The following MAST4 variants were observed in gnomAD, a reference collection of about 807,000 sequenced individuals.
MAST4 encodes microtubule associated serine/threonine kinase family member 4, also known as microtubule-associated serine/threonine-protein kinase 4.
MAST4 carries 89 observed loss-of-function variants against 162.7 expected under a neutral mutation model. That is an observed-to-expected ratio of 0.55 (90% CI 0.46 to 0.65). MAST4 has a LOEUF of 0.65. Ranked by LOEUF, MAST4 falls within the 30% of genes least tolerant of loss-of-function variation. MAST4 has a pLI of 0.00. For missense variants in MAST4, 3,153 were observed against 3,374.0 expected (o/e 0.93, Z 1.62); for synonymous variants, 1,479 against 1,361.1 (o/e 1.09, Z -1.91).
intron 3 of MAST4, among the ~76,000 whole-genome samples, chr5:66,844,028 T>G (rs1758616110): frequency 6.6e-6 from 1 of 152,098 alleles, no homozygotes; most frequent in Non-Finnish European, 1.5e-5. Flanking sequence ...GGAGGGTGTC[T>G]TTCATTATAA....
In MAST4 at chr5:67,080,000, C is replaced by T. The variant is rs113947726; in HGVS notation, c.764-10162C>T. The stretch of plus-strand genomic sequence containing the variant: ...AGTACTTTACTGTCCAGCTTCTTAG[C>T]GCTAGTCTGCCTTAGAGTCGTCACA... On this transcript the variant is annotated intron_variant, in intron 5 of 28. Transcript: ENST00000403625. Among the ~76,000 whole-genome samples, 10 of 152,268 alleles carry T rather than the reference C, an allele frequency of 6.6e-5. 3 individuals carry two copies. The highest frequency in any genetic ancestry group is 2.4e-4 in the African/African-American group (10 of 41,560).
intron 3 of MAST4, among the ~76,000 whole-genome samples, chr5:66,832,533 A>G (rs981494396): frequency 2.6e-5 from 4 of 152,136 alleles, no homozygotes; most frequent in African/African-American, 7.2e-5. Flanking sequence ...CTAGAATTCA[A>G]TTTTAGGAAG....
chr5:67,023,033 T>G (rs1754178800), intron 4 of MAST4, among the ~76,000 whole-genome samples: 1 of 152,212 alleles, frequency 6.6e-6, no homozygotes, highest in Non-Finnish European at 1.5e-5. Context: ...AGATGGCATG[T>G]GAAGTTTGTG....
At chr5:66,841,202 G>A (rs1017405368) in intron 3 of MAST4, among the ~76,000 whole-genome samples, 6 of 152,152 alleles carry the variant, frequency 3.9e-5, no homozygotes, top group Admixed American at 2.0e-4. Context: ...TGTGGCTGCT[G>A]TTACTGTTGT....
In MAST4 at chr5:67,021,676, G is replaced by C. The variant is rs565466721; in HGVS notation, c.675-32728G>C. 1.1e-4 allele frequency among the ~76,000 whole-genome samples: 16 copies of C among 152,302 alleles called. No homozygotes were observed. The South Asian group carries it at 3.3e-3, about 32-fold the overall frequency. ...ATTAGGGACACCCTGGTGTCTGGTA[G>C]AAGACTAAGACTGAGAATAGACTGT... On this transcript the variant is annotated intron_variant, in intron 4 of 28. Coordinates refer to ENST00000403625, the MANE Select transcript of MAST4 (RefSeq NM_001164664.2).
intron 1 of MAST4, among the ~76,000 whole-genome samples, chr5:66,752,754 A>G (rs1459503896): frequency 6.7e-6 from 1 of 148,576 alleles, no homozygotes; most frequent in Non-Finnish European, 1.5e-5. Context: ...AAAGTCAACA[A>G]GGATACCCAG....
At chr5:67,071,523 G>C (rs111633104) in intron 5 of MAST4, among the ~76,000 whole-genome samples, 2,330 of 152,242 alleles carry the variant, frequency 0.015, 63 homozygotes, top group African/African-American at 0.053. Context: ...AAGGCCAAGG[G>C]GGGGGCGGGG....
At chr5:66,635,584 C>T (rs1745057416) in intron 1 of MAST4, among the ~76,000 whole-genome samples, 1 of 152,186 alleles carries the variant, frequency 6.6e-6, no homozygotes, top group African/African-American at 2.4e-5. Context: ...TCAAAACAAA[C>T]TGTGTTTGTT....
At chr5:66,646,662 A>G (rs931963562) in intron 1 of MAST4, among the ~76,000 whole-genome samples, 3 of 152,180 alleles carry the variant, frequency 2.0e-5, no homozygotes, top group Non-Finnish European at 4.4e-5. Context: ...TGTACCCTCT[A>G]CTTCCTACTT....
intron 1 of MAST4, among the ~76,000 whole-genome samples, chr5:66,627,390 TA>T (rs1744507461): frequency 6.6e-6 from 1 of 152,102 alleles, no homozygotes; most frequent in Non-Finnish European, 1.5e-5. Context: ...TATGAAGGTT[TA>T]AAAGGAAAAC....
chr5:66,871,973 G>A (rs1760962278), intron 3 of MAST4, among the ~76,000 whole-genome samples: 1 of 152,102 alleles, frequency 6.6e-6, no homozygotes, highest in Non-Finnish European at 1.5e-5. Context: ...TTAAACATCT[G>A]CCATGTGAGC....
chr5:66,683,790 T>C (rs986000844), intron 1 of MAST4, among the ~76,000 whole-genome samples: 5 of 152,210 alleles, frequency 3.3e-5, no homozygotes, highest in African/African-American at 1.2e-4. Context: ...CTTGCTTTTC[T>C]AGCTCTGAAA....
intron 1 of MAST4, among the ~76,000 whole-genome samples, chr5:66,673,213 A>G (rs986351964): frequency 3.9e-5 from 6 of 152,060 alleles, no homozygotes; most frequent in Admixed American, 1.3e-4. Context: ...TTATACATTT[A>G]AATTATCTGC....
intron 24 of MAST4, among the ~76,000 whole-genome samples, chr5:67,150,688 A>G (rs1307053500): frequency 1.3e-5 from 2 of 152,202 alleles, no homozygotes; most frequent in Non-Finnish European, 2.9e-5. Context: ...GGAGACCATC[A>G]GAAGGTAAAG....
intron 12 of MAST4, among the ~76,000 whole-genome samples, chr5:67,115,226 T>TATATACTAAATG (rs1766747545): frequency 6.6e-6 from 1 of 152,170 alleles, no homozygotes; most frequent in African/African-American, 2.4e-5. Flanking sequence ...TTATAACATT[T>TATATACTAAATG]AGGTTATATA....
At chr5:66,768,825 T>G (rs1754228427) in intron 2 of MAST4, among the ~76,000 whole-genome samples, 1 of 152,226 alleles carries the variant, frequency 6.6e-6, no homozygotes, top group Admixed American at 6.5e-5. Flanking sequence ...TGTAACTGCA[T>G]GTATATCTAT....
At chr5:67,058,151 C>G (rs977810769) in intron 5 of MAST4, among the ~76,000 whole-genome samples, 4 of 151,998 alleles carry the variant, frequency 2.6e-5, no homozygotes, top group Non-Finnish European at 5.9e-5. Context: ...GAGAGGATCG[C>G]CTGAGCTGGG....
At chr5:66,798,014 A>C (rs1028188316) in intron 3 of MAST4, among the ~76,000 whole-genome samples, 1 of 152,212 alleles carries the variant, frequency 6.6e-6, no homozygotes, top group African/African-American at 2.4e-5. Flanking sequence ...ATGCCATATA[A>C]GGTGGATGGT....
At chr5:66,863,367 A>C (rs1363922949) in intron 3 of MAST4, among the ~76,000 whole-genome samples, 1 of 152,174 alleles carries the variant, frequency 6.6e-6, no homozygotes, top group Non-Finnish European at 1.5e-5. Context: ...CTCTTTAAAA[A>C]ACTGGGACTG....
Sources: allele counts gnomAD v4.1 joint callset (sites outside exome capture counted in the v4.1 genomes callset), GRCh38; gene constraint gnomAD v4.1.1; transcripts MANE v1.5; gene names NCBI Gene and HGNC (gene_info 2026-07-23, HGNC 2026-07-21).